Variants in TENM2 observed in about 807,000 individuals in gnomAD.
TENM2 encodes the protein teneurin transmembrane protein 2.
A neutral mutation model predicts 245.2 loss-of-function variants in TENM2; 52 were observed. That is an observed-to-expected ratio of 0.21 (90% CI 0.17 to 0.27). TENM2 has a LOEUF of 0.27. Ranked by LOEUF, TENM2 falls within the 10% of genes least tolerant of loss-of-function variation. TENM2 has a pLI of 1.00. For missense variants in TENM2, 3,046 were observed against 3,666.8 expected (o/e 0.83, Z 4.37); for synonymous variants, 1,363 against 1,438.9 (o/e 0.95, Z 1.19).
chr5:168,261,413 C>T (rs1175999453), intron 28 of TENM2, among the ~76,000 whole-genome samples: 1 of 152,212 alleles, frequency 6.6e-6, no homozygotes, highest in African/African-American at 2.4e-5. Context: ...ACACAGATCA[C>T]CCAAGGCATC....
At chr5:167,667,825 G>C (rs757704226) in intron 2 of TENM2, among the ~76,000 whole-genome samples, 1 of 152,146 alleles carries the variant, frequency 6.6e-6, no homozygotes, top group Non-Finnish European at 1.5e-5. Context: ...ATTGAATGGC[G>C]TGTGTTGTGA....
chr5:167,580,331 T>A (rs912606020), intron 2 of TENM2, among the ~76,000 whole-genome samples: 40 of 152,230 alleles, frequency 2.6e-4, no homozygotes, highest in African/African-American at 9.2e-4. Context: ...GTCGACTGGA[T>A]AAATTTAAAT....
chr5:167,952,308 T>G, intron 3 of TENM2: 1 of 548,036 alleles, frequency 1.8e-6, no homozygotes, highest in Non-Finnish European at 3.3e-6. Flanking sequence ...TTAATATGTT[T>G]CAAATAATTC....
At chr5:167,933,116 C>T (rs1195454795) in intron 3 of TENM2, among the ~76,000 whole-genome samples, 1 of 152,194 alleles carries the variant, frequency 6.6e-6, no homozygotes, top group African/African-American at 2.4e-5. Flanking sequence ...TTGACAGGCC[C>T]TTGACAACTT....
At chr5:167,236,881 CTT>C in the TENM2 span, among the ~76,000 whole-genome samples, 37 of 141,386 alleles carry the variant, frequency 2.6e-4, no homozygotes, top group African/African-American at 4.9e-4. Context: ...ACTTCTATAC[CTT>C]TTTTTTTTTT....
chr5:167,148,479 G>A, the TENM2 span, among the ~76,000 whole-genome samples: 40 of 152,152 alleles, frequency 2.6e-4, 1 homozygote, highest in Admixed American at 2.0e-3. Flanking sequence ...AAATGCCATT[G>A]GGCTACCAAT....
chr5:167,303,667 A>G (rs974410440), intron 1 of TENM2, among the ~76,000 whole-genome samples: 3 of 152,226 alleles, frequency 2.0e-5, no homozygotes, highest in Admixed American at 6.5e-5. Context: ...GCTTGGGCTC[A>G]GAGGCCTGAC....
intron 2 of TENM2, among the ~76,000 whole-genome samples, chr5:167,532,056 T>G (rs1359549795): frequency 6.6e-6 from 1 of 152,176 alleles, no homozygotes; most frequent in Non-Finnish European, 1.5e-5. Flanking sequence ...AAGTGGTCTG[T>G]GTGGCCTCAT....
the TENM2 span, among the ~76,000 whole-genome samples, chr5:166,995,959 A>G: frequency 9.5e-4 from 145 of 152,142 alleles, 1 homozygote; most frequent in East Asian, 0.028. Flanking sequence ...CCATCAAATA[A>G]TATAAGGATA....
chr5:167,060,197 T>A, the TENM2 span, among the ~76,000 whole-genome samples: 3 of 152,160 alleles, frequency 2.0e-5, no homozygotes, highest in African/African-American at 7.2e-5. Flanking sequence ...CACACCTTGG[T>A]CCTGGTGGTA....
chr5:168,252,710 C>T (rs576117919), intron 27 of TENM2, among the ~76,000 whole-genome samples: 12 of 149,898 alleles, frequency 8.0e-5, no homozygotes, highest in Non-Finnish European at 1.5e-4. Context: ...AGCCAGGCAT[C>T]GTGGCAGGCA....
intron 2 of TENM2, among the ~76,000 whole-genome samples, chr5:167,548,564 C>T (rs575217644): frequency 2.0e-4 from 31 of 151,902 alleles, no homozygotes; most frequent in East Asian, 7.7e-4. Context: ...CACACACACA[C>T]GCACACATAC....
At chr5:167,672,542 C>G (rs1431644560) in intron 2 of TENM2, among the ~76,000 whole-genome samples, 1 of 151,922 alleles carries the variant, frequency 6.6e-6, no homozygotes, top group African/African-American at 2.4e-5. Flanking sequence ...GTTTCCTAAC[C>G]CATCATTCCT....
At chr5:167,627,744 A>G (rs1004917760) in intron 2 of TENM2, among the ~76,000 whole-genome samples, 3 of 151,840 alleles carry the variant, frequency 2.0e-5, no homozygotes, top group Non-Finnish European at 4.4e-5. Context: ...TTTAATAGAG[A>G]TGGGGTTTCA....
intron 4 of TENM2, among the ~76,000 whole-genome samples, chr5:167,961,793 A>G (rs940626250): frequency 3.8e-4 from 58 of 152,352 alleles, no homozygotes; most frequent in African/African-American, 1.4e-3. Flanking sequence ...ACTATGAGCC[A>G]TGTTGGATGA....
At chr5:167,941,248 G>T (rs1208330172) in intron 3 of TENM2, among the ~76,000 whole-genome samples, 1 of 152,086 alleles carries the variant, frequency 6.6e-6, no homozygotes, top group East Asian at 1.9e-4. Context: ...TGCAAAATGG[G>T]GGCTGATGTT....
chr5:168,058,746 T>A (rs551728402), intron 6 of TENM2, among the ~76,000 whole-genome samples: 2 of 152,356 alleles, frequency 1.3e-5, no homozygotes, highest in African/African-American at 4.8e-5. Context: ...TTCCTTACTC[T>A]GCAAAGAAAG....
At chr5:167,934,406 T>G (rs563811691) in intron 3 of TENM2, among the ~76,000 whole-genome samples, 3 of 152,198 alleles carry the variant, frequency 2.0e-5, no homozygotes, top group Non-Finnish European at 4.4e-5. Flanking sequence ...ACATTTTCTT[T>G]AAAATTGTTT....
At chr5:168,120,452 A>G (rs193066162) in intron 10 of TENM2, among the ~76,000 whole-genome samples, 1 of 152,358 alleles carries the variant, frequency 6.6e-6, no homozygotes, top group East Asian at 1.9e-4. Flanking sequence ...TTTTGCATGC[A>G]TCATTTGGAG....
Sources: allele counts gnomAD v4.1 joint callset (sites outside exome capture counted in the v4.1 genomes callset), GRCh38; gene constraint gnomAD v4.1.1; transcripts MANE v1.5; gene names NCBI Gene and HGNC (gene_info 2026-07-23, HGNC 2026-07-21).